NKD1: variants seen among roughly 807,000 people sequenced by gnomAD.
NKD1 encodes NKD inhibitor of Wnt signaling pathway 1, also known as protein naked cuticle homolog 1.
NKD1 carries 21 observed loss-of-function variants against 56.0 expected under a neutral mutation model. That is an observed-to-expected ratio of 0.38 (90% CI 0.27 to 0.54). The LOEUF is 0.54. Among genes scored for constraint, NKD1 ranks in the 20% least tolerant of loss-of-function variants. The pLI, the probability that NKD1 is intolerant of heterozygous loss-of-function variation, is 0.82. For missense variants in NKD1, 578 were observed against 642.7 expected (o/e 0.90, Z 1.09); for synonymous variants, 263 against 265.7 (o/e 0.99, Z 0.10).
At chr16:50,624,039 G>A (rs1483692657) in intron 5 of NKD1, among the ~76,000 whole-genome samples, 2 of 152,062 alleles carry the variant, frequency 1.3e-5, no homozygotes, top group Non-Finnish European at 2.9e-5. Flanking sequence ...AGCAGCCAGG[G>A]TCAGGACGCC....
At position 50,647,279 on chromosome 16, in the gene NKD1, C is replaced by G. The variant is rs1338308798; in HGVS notation, c.*13498C>G. On this transcript the variant is annotated 3_prime_UTR_variant, in exon 10 of 10. Transcript: ENST00000268459. ...GTGACCTTATTCTGGGCAATGAGATCTGAAGGGAAGTCTGTTGAGGAACTT... is the reference window on the plus strand; with the variant it reads ...GTGACCTTATTCTGGGCAATGAGATGTGAAGGGAAGTCTGTTGAGGAACTT... 1 of 152,244 alleles carries G rather than the reference C, an allele frequency of 6.6e-6. No individual in the cohort carries two copies. The highest frequency in any genetic ancestry group is 1.9e-4 in the East Asian group (1 of 5,198). The allele number at this position is 152,244 out of a possible 1,614,324, so 9.4% of individuals were successfully genotyped here. A position where few individuals can be genotyped will look rare whatever the true frequency, so the allele number is the denominator to read the frequency against.
At chr16:50,621,894 A>T (rs931113417) in intron 5 of NKD1, among the ~76,000 whole-genome samples, 186 bp downstream of exon 5, 3 of 151,986 alleles carry the variant, frequency 2.0e-5, no homozygotes, top group African/African-American at 4.8e-5. Flanking sequence ...GACCCCAGGG[A>T]CTCACCGCTG....
intron 4 of NKD1, 150 bp downstream of exon 4, chr16:50,608,510 G>A: frequency 1.5e-6 from 1 of 688,408 alleles, no homozygotes; most frequent in Non-Finnish European, 2.7e-6. Context: ...ACTAGAGGGT[G>A]GGATGGAGGA....
chr16:50,600,703 C>A (rs1961576754), intron 3 of NKD1, among the ~76,000 whole-genome samples: 1 of 152,114 alleles, frequency 6.6e-6, no homozygotes, highest in African/African-American at 2.4e-5. Flanking sequence ...GTGACTGAGG[C>A]TGGCTGAGGT....
chr16:50,587,051 C>T (rs1054977536), intron 3 of NKD1, among the ~76,000 whole-genome samples: 1 of 152,214 alleles, frequency 6.6e-6, no homozygotes, highest in African/African-American at 2.4e-5. Context: ...AGCTCCACGA[C>T]TCGAAAGCTG....
chr16:50,567,792 G>A (rs1279803993), intron 3 of NKD1, among the ~76,000 whole-genome samples: 1 of 152,212 alleles, frequency 6.6e-6, no homozygotes, highest in African/African-American at 2.4e-5. Flanking sequence ...TTTGCTTTGA[G>A]TATATTAAGA....
Position 50,566,754 on chromosome 16 carries a change from A to T in NKD1, c.192+17199A>T, listed in dbSNP as rs368193657. 8.5e-5 allele frequency among the ~76,000 whole-genome samples: 13 copies of T among 152,314 alleles called. No homozygotes were observed. The East Asian group carries it at 2.3e-3, about 27-fold the overall frequency. On this transcript the variant is annotated intron_variant, in intron 3 of 9. Transcript: ENST00000268459. ...CCCACCCATTGCCATTGGATCTTGGAAGAACCTAGGTGGTTTGCCACCTCC... is the reference window on the plus strand; with the variant it reads ...CCCACCCATTGCCATTGGATCTTGGTAGAACCTAGGTGGTTTGCCACCTCC...
chr16:50,587,388 T>C (rs1290022880), intron 3 of NKD1, among the ~76,000 whole-genome samples: 2 of 152,198 alleles, frequency 1.3e-5, no homozygotes, highest in African/African-American at 4.8e-5. Context: ...GCACCTAACC[T>C]AGTAGAAAAT....
rs147133260 is a variant in NKD1, at chr16:50,585,839, G to A, written c.193-22455G>A. On this transcript the variant is annotated intron_variant, in intron 3 of 9. Transcript: ENST00000268459. ...CAAGTGACCCCTGGGTGTCACAGACGTGCTGATCACTGTGTGTTTGTCATT... is the reference window on the plus strand; with the variant it reads ...CAAGTGACCCCTGGGTGTCACAGACATGCTGATCACTGTGTGTTTGTCATT... 1.1e-3 allele frequency among the ~76,000 whole-genome samples: 163 copies of A among 152,324 alleles called. 1 individual carries two copies. Among genetic ancestry groups the A allele is most frequent in the South Asian group, 6.6e-3 (32 of 4,830 alleles).
chr16:50,630,777 G>C, intron 7 of NKD1, 49 bp from the exon 8 acceptor site: 1 of 1,497,272 alleles, frequency 6.7e-7, no homozygotes, highest in Middle Eastern at 1.9e-4. Flanking sequence ...GGGAGGGTGG[G>C]AGCAGGCAGC....
intron 3 of NKD1, among the ~76,000 whole-genome samples, chr16:50,554,631 T>A (rs1960461293): frequency 6.6e-6 from 1 of 152,134 alleles, no homozygotes; most frequent in Non-Finnish European, 1.5e-5. Flanking sequence ...AATAATTCTT[T>A]GTTTATTATT....
At chr16:50,614,134 C>A (rs1411035408) in intron 4 of NKD1, among the ~76,000 whole-genome samples, 1 of 152,156 alleles carries the variant, frequency 6.6e-6, no homozygotes, top group Non-Finnish European at 1.5e-5. Flanking sequence ...GGAAATCACC[C>A]TAGAGGGACT....
chr16:50,589,995 A>G (rs1961329673), intron 3 of NKD1, among the ~76,000 whole-genome samples: 1 of 151,926 alleles, frequency 6.6e-6, no homozygotes, highest in African/African-American at 2.4e-5. Context: ...CTACAGTTGC[A>G]TGCCACCATG....
intron 3 of NKD1, among the ~76,000 whole-genome samples, chr16:50,588,371 A>G (rs1961274540): frequency 1.3e-5 from 2 of 152,198 alleles, no homozygotes; most frequent in African/African-American, 4.8e-5. Context: ...CCTTGCAAAT[A>G]AGCCCATGCC....
At chr16:50,554,149 TG>T (rs1337466824) in intron 3 of NKD1, among the ~76,000 whole-genome samples, 1 of 152,210 alleles carries the variant, frequency 6.6e-6, no homozygotes, top group African/African-American at 2.4e-5. Context: ...GCATGCCTTC[TG>T]TTCTCTAGAG....
At chr16:50,565,080 A>G (rs950194301) in intron 3 of NKD1, among the ~76,000 whole-genome samples, 1 of 152,208 alleles carries the variant, frequency 6.6e-6, no homozygotes, top group Non-Finnish European at 1.5e-5. Context: ...AGAACCATAA[A>G]AAAGTGATAT....
chr16:50,619,841 C>G (rs1962047073), intron 4 of NKD1, among the ~76,000 whole-genome samples: 1 of 152,200 alleles, frequency 6.6e-6, no homozygotes, highest in African/African-American at 2.4e-5. Context: ...TGGAGATGAC[C>G]ACTGCCCTGG....
In NKD1 at chr16:50,605,549, G is replaced by A. The variant is rs1277659252; in HGVS notation, c.193-2745G>A. Among the ~76,000 whole-genome samples the A allele has an allele frequency of 3.3e-5, 5 of 152,134 alleles. No homozygotes were observed. In the East Asian group the frequency reaches 7.7e-4, roughly 23 times the overall value. On this transcript the variant is annotated intron_variant, in intron 3 of 9. Coordinates refer to ENST00000268459, the MANE Select transcript of NKD1 (RefSeq NM_033119.5). Reference sequence around the variant, plus strand: ...AATATTTGGAAACAAAAAAGCATCCGTACTGAACACATACAGACTTTTCTT... The same window carrying A: ...AATATTTGGAAACAAAAAAGCATCCATACTGAACACATACAGACTTTTCTT...
chr16:50,628,771 G>A (rs575684858), intron 6 of NKD1, among the ~76,000 whole-genome samples: 22 of 152,258 alleles, frequency 1.4e-4, no homozygotes, highest in South Asian at 4.1e-4. Flanking sequence ...TCAAGCTGCC[G>A]TAATAAAATA....
Sources: gnomAD v4.1 joint callset for allele counts (sites outside exome capture counted in the v4.1 genomes callset) on GRCh38, gnomAD v4.1.1 for gene constraint, MANE v1.5 for transcripts, NCBI Gene and HGNC (gene_info 2026-07-23, HGNC 2026-07-21) for gene names.